Variants in LRBA observed in about 807,000 individuals in gnomAD.
LRBA encodes the protein LPS responsive beige-like anchor protein, also known as lipopolysaccharide-responsive and beige-like anchor protein.
In LRBA, 176 loss-of-function variants were observed where a neutral mutation model predicts 330.0. The ratio of observed to expected loss-of-function variants is 0.53; its 90% confidence interval spans 0.47 to 0.60. The LOEUF is 0.60. LRBA is among the 20% of genes least tolerant of loss of function. The pLI is 0.00. For missense variants in LRBA, 3,259 were observed against 3,444.8 expected (o/e 0.95, Z 1.35); for synonymous variants, 1,230 against 1,193.0 (o/e 1.03, Z -0.64).
At chr4:150,691,295 T>A (rs1022039798) in intron 36 of LRBA, among the ~76,000 whole-genome samples, 3 of 151,980 alleles carry the variant, frequency 2.0e-5, no homozygotes, top group East Asian at 3.8e-4. Context: ...TGAAAAAAAA[T>A]TTAACATACA....
At chr4:150,891,791 A>C (rs1729496927) in intron 17 of LRBA, among the ~76,000 whole-genome samples, 1 of 152,246 alleles carries the variant, frequency 6.6e-6, no homozygotes, top group African/African-American at 2.4e-5. Flanking sequence ...AAGTATAATG[A>C]ATAAAGACAC....
intron 37 of LRBA, among the ~76,000 whole-genome samples, chr4:150,680,580 C>G (rs575811628): frequency 6.6e-6 from 1 of 152,208 alleles, no homozygotes; most frequent in East Asian, 1.9e-4. Flanking sequence ...AGTCTACCAA[C>G]TATAACATGT....
chr4:150,950,702 A>G (rs1426345341), intron 2 of LRBA, among the ~76,000 whole-genome samples: 1 of 152,202 alleles, frequency 6.6e-6, no homozygotes, highest in Non-Finnish European at 1.5e-5. Context: ...AATTACCAAA[A>G]TGTTCACTGT....
rs563269768 is a variant in LRBA at position 150,820,573 on chromosome 4, A to G, written c.5172-3316T>C. 2.5e-3 allele frequency among the ~76,000 whole-genome samples: 384 copies of G among 152,196 alleles called. 1 individual carries two copies. The highest frequency in any genetic ancestry group is 8.9e-3 in the African/African-American group (369 of 41,584). On this transcript the variant is annotated intron_variant, in intron 30 of 56. Transcript: ENST00000651943. ...TATAGCTACATAATTAGTATATAAT[A>G]GAGAAATAAAATCAATTTCCAAATT...
chr4:150,618,995 C>G (rs1394179630), intron 37 of LRBA, among the ~76,000 whole-genome samples: 1 of 151,858 alleles, frequency 6.6e-6, no homozygotes, highest in Non-Finnish European at 1.5e-5. Flanking sequence ...ATAACCTCTA[C>G]ATTTTAATTT....
chr4:150,464,027 C>T (rs151039915), intron 44 of LRBA, among the ~76,000 whole-genome samples: 84 of 146,818 alleles, frequency 5.7e-4, no homozygotes, highest in African/African-American at 1.9e-3. Context: ...AAAAAATAAC[C>T]TCCCACTTGT....
chr4:150,486,893 C>T (rs62344697), intron 42 of LRBA, among the ~76,000 whole-genome samples: 32,433 of 151,644 alleles, frequency 0.21, 4,345 homozygotes, highest in Non-Finnish European at 0.3. Context: ...ACAGTATTTG[C>T]CTTTCTGCGT....
At chr4:150,793,296 C>T (rs1400709690) in intron 34 of LRBA, among the ~76,000 whole-genome samples, 1 of 151,890 alleles carries the variant, frequency 6.6e-6, no homozygotes, top group African/African-American at 2.4e-5. Context: ...GAGCAAGACC[C>T]CGTCTTAAAA....
At chr4:150,927,507 C>CA (rs1251986388) in intron 4 of LRBA, among the ~76,000 whole-genome samples, 1 of 150,602 alleles carries the variant, frequency 6.6e-6, no homozygotes, top group Non-Finnish European at 1.5e-5. Flanking sequence ...AAATAAAGCA[C>CA]AAAAAGATTA....
At chr4:150,577,721 G>T (rs1009422405) in intron 40 of LRBA, among the ~76,000 whole-genome samples, 4 of 151,950 alleles carry the variant, frequency 2.6e-5, no homozygotes, top group African/African-American at 9.7e-5. Flanking sequence ...TATTTTTACA[G>T]ATAATAAAAT....
intron 2 of LRBA, among the ~76,000 whole-genome samples, chr4:150,957,277 C>T (rs574897917): frequency 1.3e-5 from 2 of 148,488 alleles, no homozygotes; most frequent in South Asian, 4.2e-4. Flanking sequence ...ACTGGGGAGG[C>T]CTCACAATCA....
In LRBA at chr4:150,893,069, G is replaced by A. The variant is rs1729634571; in HGVS notation, c.2148C>T (p.Asp716=). ...ACTCTTACCGTAACCCATTCCTTTG[G>A]TCAAAAGCAGGAATCATAGAGTTAG... ...EHPNSMIPAF[D]QRNGLRVIYK... The change falls in exon 17 of 57, where the codon GAC becomes GAT. Residue 716 remains aspartate (D), a synonymous_variant. Coordinates refer to ENST00000651943, the MANE Select transcript of LRBA (RefSeq NM_001364905.1). 2 of 1,608,896 alleles carry A rather than the reference G, an allele frequency of 1.2e-6. No homozygotes were observed. The highest frequency in any genetic ancestry group is 1.7e-6 in the Non-Finnish European group (2 of 1,176,644).
intron 2 of LRBA, among the ~76,000 whole-genome samples, chr4:150,937,354 G>A (rs944778794): frequency 6.6e-6 from 1 of 151,992 alleles, no homozygotes; most frequent in Non-Finnish European, 1.5e-5. Context: ...CATAATCCAG[G>A]TACAGGCATT....
At chr4:150,725,731 G>A (rs1253129720) in intron 36 of LRBA, among the ~76,000 whole-genome samples, 1 of 152,098 alleles carries the variant, frequency 6.6e-6, no homozygotes, top group Non-Finnish European at 1.5e-5. Context: ...AAACCAAGTA[G>A]AAAGACTAAA....
chr4:150,559,575 AATAT>A (rs1038074906), intron 40 of LRBA, among the ~76,000 whole-genome samples: 2 of 120,510 alleles, frequency 1.7e-5, no homozygotes, highest in East Asian at 2.1e-4. Flanking sequence ...TAAATATATA[AATAT>A]ATAAATATTT....
chr4:150,726,957 A>G (rs1729759690), intron 36 of LRBA, among the ~76,000 whole-genome samples: 1 of 148,000 alleles, frequency 6.8e-6, no homozygotes, highest in Non-Finnish European at 1.5e-5. Context: ...TCCCACTTTC[A>G]GCATTGGGCA....
chr4:151,008,750 G>A lies in LRBA; in HGVS notation c.216+5677C>T, dbSNP rs139989127. Among the ~76,000 whole-genome samples, 831 of 151,280 alleles carry A rather than the reference G, an allele frequency of 5.5e-3. 16 individuals carry two copies. The East Asian group carries it at 0.073, about 13-fold the overall frequency. Reference sequence around the variant, plus strand: ...AGCACTTTGGGAGGCTGAGGCAGGCGGATCACGAGGTCAGGAGTTCAAGAA... The same window carrying A: ...AGCACTTTGGGAGGCTGAGGCAGGCAGATCACGAGGTCAGGAGTTCAAGAA... On this transcript the variant is annotated intron_variant, in intron 2 of 56. Coordinates refer to ENST00000651943, the MANE Select transcript of LRBA (RefSeq NM_001364905.1).
intron 37 of LRBA, among the ~76,000 whole-genome samples, chr4:150,651,689 G>GA (rs957671063): frequency 8.0e-5 from 12 of 149,874 alleles, no homozygotes; most frequent in South Asian, 2.1e-4. Flanking sequence ...ATAAATACAA[G>GA]AAAAAAAAAG....
rs1452175848 is a variant in LRBA at position 150,478,096 on chromosome 4, G to C, written c.6552-6357C>G. Among the ~76,000 whole-genome samples, 3 of 152,106 alleles carry C rather than the reference G, an allele frequency of 2.0e-5. No individual in the cohort carries two copies. In the East Asian group the frequency reaches 5.8e-4, roughly 29 times the overall value. On this transcript the variant is annotated intron_variant, in intron 42 of 56. Transcript: ENST00000651943. Reference sequence around the variant, plus strand: ...AACCTTTACATGTTGAGGTTTTCTGGATGTAGCTCTAGTTCCTCTTGGCAT... The same window carrying C: ...AACCTTTACATGTTGAGGTTTTCTGCATGTAGCTCTAGTTCCTCTTGGCAT...
Sources: allele counts gnomAD v4.1 joint callset (sites outside exome capture counted in the v4.1 genomes callset), GRCh38; gene constraint gnomAD v4.1.1; transcripts MANE v1.5; gene names NCBI Gene and HGNC (gene_info 2026-07-23, HGNC 2026-07-21).